Variants in ADSS1 observed in about 807,000 individuals in gnomAD.
The protein encoded by ADSS1 is adenylosuccinate synthase 1.
Under a neutral mutation model 59.1 loss-of-function variants are expected in ADSS1, and 57 were observed. The observed-to-expected ratio is 0.97, with a 90% confidence interval of 0.78 to 1.20. The LOEUF is 1.20. Ranked by LOEUF, ADSS1 falls within the 50% of genes most tolerant of loss-of-function variation. The probability of loss-of-function intolerance (pLI) is 0.00; values close to 1 mark genes in which losing one functional copy is unlikely to be tolerated. For missense variants in ADSS1, 603 were observed against 610.3 expected (o/e 0.99, Z 0.13); for synonymous variants, 247 against 249.4 (o/e 0.99, Z 0.09).
rs573759078 is a variant in ADSS1, at chr14:104,730,132, C to T, written c.193-4888C>T. ...TGGGAGAGGAGAGGGCTTGGAGGAG[C>T]CACGGGTCAAATGCAGGAGGCCACA... On this transcript the variant is annotated intron_variant, in intron 1 of 12. Transcript: ENST00000330877. 1.7e-5 allele frequency: 26 copies of T among 1,547,242 alleles called. No homozygotes were observed. In the African/African-American group the frequency reaches 2.7e-4, roughly 16 times the overall value.
intron 1 of ADSS1, among the ~76,000 whole-genome samples, chr14:104,725,172 A>C (rs1890683765): frequency 6.6e-6 from 1 of 152,122 alleles, no homozygotes; most frequent in Non-Finnish European, 1.5e-5. Context: ...CCCAGGGCCC[A>C]GGGCTGGGCC....
At chr14:104,741,591 G>A (rs1412732895) in intron 8 of ADSS1, among the ~76,000 whole-genome samples, 1 of 152,138 alleles carries the variant, frequency 6.6e-6, no homozygotes, top group Non-Finnish European at 1.5e-5. Context: ...TCACCCCCGA[G>A]GCGGCCTGGT....
At chr14:104,730,013 C>G (rs1890861258) in intron 1 of ADSS1, 1 of 1,594,050 alleles carries the variant, frequency 6.3e-7, no homozygotes, top group Non-Finnish European at 8.5e-7. Flanking sequence ...CTGGCTGCCT[C>G]CAAGGAGTCT....
chr14:104,737,429 G>A (rs760304923), intron 2 of ADSS1: 1 of 152,078 alleles, frequency 6.6e-6, no homozygotes, highest in Non-Finnish European at 1.5e-5. Context: ...TTTCTTTTCA[G>A]TGTTGAATAA....
intron 1 of ADSS1, among the ~76,000 whole-genome samples, chr14:104,725,710 G>C (rs910209869): frequency 2.0e-5 from 3 of 152,168 alleles, no homozygotes; most frequent in African/African-American, 4.8e-5. Flanking sequence ...CCGCCACCTT[G>C]TCCTGGGCCG....
At chr14:104,739,517 T>C in intron 4 of ADSS1, 139 bp downstream of exon 4, 1 of 1,053,438 alleles carries the variant, frequency 9.5e-7, no homozygotes. Flanking sequence ...GCTTGTACAT[T>C]ACCCTTTTCA....
In ADSS1 at chr14:104,735,142, CTG is replaced by C. The variant is rs1204069847; in HGVS notation, c.295+27_295+28del. 6.3e-7 allele frequency: 1 copy of C among 1,585,126 alleles called. No homozygotes were observed. Among genetic ancestry groups the C allele is most frequent in the African/African-American group, 1.3e-5 (1 of 74,440 alleles). On this transcript the variant is annotated intron_variant, in intron 2 of 12. Coordinates refer to ENST00000330877, the MANE Select transcript of ADSS1 (RefSeq NM_152328.5). Reference sequence around the variant, plus strand: ...TCATTGGTGAGTGCCCTGCCCCGACCTGTGTGTGAGCAGGAAAGGGGGTGTCA... The same window carrying C: ...TCATTGGTGAGTGCCCTGCCCCGACCTGTGTGAGCAGGAAAGGGGGTGTCA...
In ADSS1 at chr14:104,737,195, A is replaced by G. The variant is rs1283648853; in HGVS notation, c.296-1181A>G. ...TGTGTATCTGCCACTATAGTATCGT[A>G]CAGAATTTTTTACTGTCCTAAAACC... is the stretch of plus-strand genomic sequence containing the variant. On this transcript the variant is annotated intron_variant, in intron 2 of 12. Coordinates refer to ENST00000330877, the MANE Select transcript of ADSS1 (RefSeq NM_152328.5). 4 of 152,026 alleles carry G rather than the reference A, an allele frequency of 2.6e-5. No individual in the cohort carries two copies. The East Asian group carries it at 7.7e-4, about 29-fold the overall frequency. The allele number at this position is 152,026 out of a possible 1,614,324, so 9.4% of individuals were successfully genotyped here.
chr14:104,737,435 A>C (rs1891175292), intron 2 of ADSS1: 1 of 152,100 alleles, frequency 6.6e-6, no homozygotes. Context: ...TTCAGTGTTG[A>C]ATAATACTCC....
intron 1 of ADSS1, among the ~76,000 whole-genome samples, chr14:104,733,184 C>CA (rs1438322750): frequency 6.6e-6 from 1 of 152,140 alleles, no homozygotes; most frequent in Non-Finnish European, 1.5e-5. Context: ...TGCATCTCTC[C>CA]ACCTCCCAGG....
chr14:104,738,107 C>T (rs1416162839), intron 2 of ADSS1: 1 of 284,460 alleles, frequency 3.5e-6, no homozygotes, highest in Non-Finnish European at 6.8e-6. Flanking sequence ...AGCGATTCTC[C>T]TGCCTCAGCC....
chr14:104,729,426 C>T (rs887975162), intron 1 of ADSS1, among the ~76,000 whole-genome samples: 1 of 152,136 alleles, frequency 6.6e-6, no homozygotes, highest in Non-Finnish European at 1.5e-5. Flanking sequence ...AGGTGAGGAG[C>T]AAGGACAAAG....
Position 104,740,526 on chromosome 14 carries a change from GT to G in ADSS1, c.477-74del. 1 of 1,376,146 alleles carries G rather than the reference GT, an allele frequency of 7.3e-7. No homozygotes were observed. The highest frequency in any genetic ancestry group is 1.2e-5 in the South Asian group (1 of 84,532). The allele number at this position is 1,376,146 out of a possible 1,614,324, so 85.2% of individuals were successfully genotyped here. A position where few individuals can be genotyped will look rare whatever the true frequency, so the allele number is the denominator to read the frequency against. ...GCACTGGAGTCATGAGCCGGCGGGG[GT>G]CATGGCCTCAGTGGGATGCCTGAGC... On this transcript the variant is annotated intron_variant, in intron 5 of 12. Transcript: ENST00000330877. This position sits in a 1 kb window ranked among gnomAD's most constrained non-coding sequence, Gnocchi z 4.8.
chr14:104,745,849 C>A (rs1000017517), intron 11 of ADSS1: 21 of 164,144 alleles, frequency 1.3e-4, no homozygotes, highest in African/African-American at 5.0e-4. Context: ...TCCCTGCCCT[C>A]TGGGAGTTGA....
At chr14:104,727,864 C>T (rs1215288250) in intron 1 of ADSS1, among the ~76,000 whole-genome samples, 8 of 152,212 alleles carry the variant, frequency 5.3e-5, no homozygotes, top group Admixed American at 2.0e-4. Context: ...TTAGAATCCC[C>T]GTCCTTCTGC....
rs767047382 is a variant in ADSS1, at chr14:104,739,402, G to A, written c.409+24G>A. The A allele has an allele frequency of 9.4e-6, 15 of 1,593,854 alleles. No individual in the cohort carries two copies. In the South Asian group the frequency reaches 1.7e-4, roughly 18 times the overall value. ...TGGTACGTTTCCCACTGGAGTACAG[G>A]GAACAGCCCCTCCTGCCCCCACCAT... On this transcript the variant is annotated intron_variant, in intron 4 of 12. Coordinates refer to ENST00000330877, the MANE Select transcript of ADSS1 (RefSeq NM_152328.5).
At chr14:104,734,706 A>G (rs931110471) in intron 1 of ADSS1, among the ~76,000 whole-genome samples, 18 of 152,198 alleles carry the variant, frequency 1.2e-4, no homozygotes, top group African/African-American at 2.4e-5. Context: ...TCATTCCTGC[A>G]TGAGAGGAGC....
At position 104,740,929 on chromosome 14, in the gene ADSS1, G is replaced by A. The variant is rs376218660; in HGVS notation, c.666+9G>A. The A allele has an allele frequency of 8.9e-5, 143 of 1,613,786 alleles. No individual in the cohort carries two copies. The highest frequency in any genetic ancestry group is 1.2e-4 in the Non-Finnish European group (137 of 1,180,012). On this transcript the variant is annotated intron_variant, in intron 7 of 12. Transcript: ENST00000330877. This position sits in a 1 kb window ranked among gnomAD's most constrained non-coding sequence, Gnocchi z 4.8. ...AACTCAAAAGGCTCAAGGTGAAGTC[G>A]GGGCCGCAGTGTGGGGGCTGCGGAA...
intron 1 of ADSS1, among the ~76,000 whole-genome samples, chr14:104,731,578 T>A (rs1890932848): frequency 6.6e-6 from 1 of 152,126 alleles, no homozygotes; most frequent in South Asian, 2.1e-4. Flanking sequence ...TTCCCAGAGC[T>A]CAGGTGCCTC....
Sources: allele counts gnomAD v4.1 joint callset (sites outside exome capture counted in the v4.1 genomes callset), GRCh38; gene constraint gnomAD v4.1.1; non-coding constraint Gnocchi (gnomAD v3.1); transcripts MANE v1.5; gene names NCBI Gene and HGNC (gene_info 2026-07-23, HGNC 2026-07-21).